Variants in EFR3B observed in about 807,000 individuals in gnomAD.
EFR3B encodes the protein protein EFR3 homolog B.
A neutral mutation model predicts 104.7 loss-of-function variants in EFR3B; 64 were observed. The observed-to-expected ratio is 0.61, with a 90% CI of 0.50 to 0.75. The LOEUF is 0.75. EFR3B is among the 30% of genes least tolerant of loss of function. The pLI, the probability that EFR3B is intolerant of heterozygous loss-of-function variation, is 0.00. For missense variants in EFR3B, 750 were observed against 1,078.5 expected, an observed-to-expected ratio of 0.70 and a Z score of 4.27; for synonymous variants, 385 against 417.9, an observed-to-expected ratio of 0.92 and a Z score of 0.96.
intron 1 of EFR3B, among the ~76,000 whole-genome samples, chr2:25,047,586 C>T (rs375824123): frequency 6.6e-6 from 1 of 152,086 alleles, no homozygotes; most frequent in African/African-American, 2.4e-5. Flanking sequence ...GCAACCTCCA[C>T]CTCCCAGGTT....
At chr2:25,110,048 C>T (rs529584342) in intron 4 of EFR3B, among the ~76,000 whole-genome samples, 1 of 152,042 alleles carries the variant, frequency 6.6e-6, no homozygotes, top group African/African-American at 2.4e-5. Context: ...ATCCTGGAGA[C>T]GTCCCTCCTT....
At chr2:25,152,243 C>T (rs80086565) in intron 21 of EFR3B, among the ~76,000 whole-genome samples, 11,465 of 152,044 alleles carry the variant, frequency 0.075, 577 homozygotes, top group Middle Eastern at 0.12. Context: ...CCCTATGAAC[C>T]AAAAGACTTG....
rs1448078080 is a variant in EFR3B at position 25,136,697 on chromosome 2, C to A, written c.1560+99C>A. On this transcript the variant is annotated intron_variant, in intron 14 of 22. Transcript: ENST00000403714. The surrounding 1 kb of genome is among the most constrained non-coding windows in gnomAD (Gnocchi z 4.0). ...GAGGCTGAGGCGGGCGGATAGATCA[C>A]TTGAGGTGGGGAGCTCGAGACCAGC... The A allele has an allele frequency of 6.9e-6, 7 of 1,019,976 alleles. No homozygotes were observed. The highest frequency in any genetic ancestry group is 8.8e-6 in the Non-Finnish European group (6 of 680,886). The allele number at this position is 1,019,976 out of a possible 1,614,324, so 63.2% of individuals were successfully genotyped here. A position where few individuals can be genotyped will look rare whatever the true frequency, so the allele number is the denominator to read the frequency against.
At chr2:25,054,253 G>A (rs1667960165) in intron 1 of EFR3B, among the ~76,000 whole-genome samples, 1 of 152,172 alleles carries the variant, frequency 6.6e-6, no homozygotes, top group Admixed American at 6.5e-5. Context: ...ATGAGATAAT[G>A]TCTATGTACA....
intron 1 of EFR3B, among the ~76,000 whole-genome samples, chr2:25,086,648 A>G (rs985472448): frequency 2.6e-5 from 4 of 152,132 alleles, no homozygotes; most frequent in Non-Finnish European, 5.9e-5. Flanking sequence ...GCTGGAGTGC[A>G]GTGACATGAT....
chr2:25,090,218 G>C (rs1003831365), intron 1 of EFR3B, among the ~76,000 whole-genome samples: 1 of 152,256 alleles, frequency 6.6e-6, no homozygotes, highest in African/African-American at 2.4e-5. Flanking sequence ...CTGGGCGGGA[G>C]GGAGGAGGTG....
At chr2:25,095,947 C>T (rs533590071) in intron 3 of EFR3B, among the ~76,000 whole-genome samples, 22 of 152,246 alleles carry the variant, frequency 1.4e-4, no homozygotes, top group Non-Finnish European at 2.2e-4. Context: ...TTCCTGGTGG[C>T]GTTGCTCATG....
intron 1 of EFR3B, among the ~76,000 whole-genome samples, chr2:25,082,375 C>T (rs1668833256): frequency 6.6e-6 from 1 of 152,176 alleles, no homozygotes; most frequent in South Asian, 2.1e-4. Context: ...CTCCCTGATG[C>T]CCAGTATGTC....
At chr2:25,135,362 A>C (rs570777035) in intron 12 of EFR3B, 105 bp from the exon 13 acceptor site, 781 of 1,328,460 alleles carry the variant, frequency 5.9e-4, no homozygotes, top group Non-Finnish European at 7.8e-4. Flanking sequence ...ATGTCTAGAG[A>C]GGATGTGTAC....
chr2:25,148,045 A>G (rs915633380), intron 19 of EFR3B, among the ~76,000 whole-genome samples: 12 of 151,082 alleles, frequency 7.9e-5, no homozygotes, highest in Non-Finnish European at 1.8e-4. Flanking sequence ...AAAAAAAAAA[A>G]AAGAAGAGCA....
intron 21 of EFR3B, 41 bp downstream of exon 21, chr2:25,152,061 T>A (rs1357780006): frequency 1.3e-6 from 2 of 1,543,626 alleles, no homozygotes; most frequent in East Asian, 2.5e-5. Context: ...GGGAGCCAAG[T>A]CAAGACTGAA....
At chr2:25,048,720 T>G (rs571693575) in intron 1 of EFR3B, among the ~76,000 whole-genome samples, 1 of 152,376 alleles carries the variant, frequency 6.6e-6, no homozygotes, top group Non-Finnish European at 1.5e-5. Flanking sequence ...CTCATTAGTT[T>G]GTAGCAATTA....
rs1671203156 is a variant in EFR3B at position 25,157,409 on chromosome 2, G to A, written c.*3069G>A. 1 of 152,374 alleles carries A rather than the reference G, an allele frequency of 6.6e-6. No individual in the cohort carries two copies. The allele number at this position is 152,374 out of a possible 1,614,324, so 9.4% of individuals were successfully genotyped here. A position where few individuals can be genotyped will look rare whatever the true frequency, so the allele number is the denominator to read the frequency against. On this transcript the variant is annotated 3_prime_UTR_variant, in exon 23 of 23. Coordinates refer to ENST00000403714, the MANE Select transcript of EFR3B (RefSeq NM_014971.2). Reference sequence around the variant, plus strand: ...GCAAAGCAGTTTGATGGGATCTGGAGGGGAGGGAGGTACCCTGGCCCTTGG... The same window carrying A: ...GCAAAGCAGTTTGATGGGATCTGGAAGGGAGGGAGGTACCCTGGCCCTTGG...
chr2:25,148,907 G>A (rs547861072), intron 19 of EFR3B, among the ~76,000 whole-genome samples: 2 of 113,612 alleles, frequency 1.8e-5, no homozygotes, highest in East Asian at 5.3e-4. Context: ...GGGTGACAGA[G>A]CGAGACTCCG....
In EFR3B at chr2:25,155,128, C is replaced by T. The variant is rs1209392353; in HGVS notation, c.*788C>T. 7 of 152,282 alleles carry T rather than the reference C, an allele frequency of 4.6e-5. No homozygotes were observed. Among genetic ancestry groups the T allele is most frequent in the Non-Finnish European group, 8.8e-5 (6 of 68,152 alleles). The allele number at this position is 152,282 out of a possible 1,614,324, so 9.4% of individuals were successfully genotyped here. A position where few individuals can be genotyped will look rare whatever the true frequency, so the allele number is the denominator to read the frequency against. On this transcript the variant is annotated 3_prime_UTR_variant, in exon 23 of 23. Coordinates refer to ENST00000403714, the MANE Select transcript of EFR3B (RefSeq NM_014971.2). ...GAGTTGGGTTCTCTCTCTTTGATGT[C>T]TTTCTTCTGAGGGTCCCAAGGTGTT...
At chr2:25,068,372 T>C (rs1201120541) in intron 1 of EFR3B, among the ~76,000 whole-genome samples, 2 of 152,108 alleles carry the variant, frequency 1.3e-5, no homozygotes, top group African/African-American at 2.4e-5. Flanking sequence ...TAATAACAAT[T>C]TGAAGCTGAC....
At chr2:25,067,393 C>T (rs1008850086) in intron 1 of EFR3B, among the ~76,000 whole-genome samples, 6 of 151,744 alleles carry the variant, frequency 4.0e-5, no homozygotes, top group Non-Finnish European at 8.8e-5. Flanking sequence ...GGAATCATAT[C>T]ATAGGTGTTC....
intron 1 of EFR3B, among the ~76,000 whole-genome samples, chr2:25,047,381 G>A (rs1667751045): frequency 6.6e-6 from 1 of 152,130 alleles, no homozygotes; most frequent in Non-Finnish European, 1.5e-5. Context: ...TCCTGCCTCT[G>A]GAAAGATGAC....
At chr2:25,118,441 G>A (rs539033699) in intron 4 of EFR3B, among the ~76,000 whole-genome samples, 2 of 152,226 alleles carry the variant, frequency 1.3e-5, no homozygotes, top group South Asian at 4.1e-4. Context: ...ATTCCACTGT[G>A]TGTGTGTGTA....
Sources: allele counts gnomAD v4.1 joint callset (sites outside exome capture counted in the v4.1 genomes callset), GRCh38; gene constraint gnomAD v4.1.1; non-coding constraint Gnocchi (gnomAD v3.1); transcripts MANE v1.5; gene names NCBI Gene and HGNC (gene_info 2026-07-23, HGNC 2026-07-21).